The following CFAP299 variants were observed in gnomAD, a reference collection of about 807,000 sequenced individuals.
CFAP299 encodes cilia- and flagella-associated protein 299.
Under a neutral mutation model 27.0 loss-of-function variants are expected in CFAP299, and 21 were observed. The observed-to-expected ratio is 0.78, with a 90% CI of 0.55 to 1.12. The LOEUF (loss-of-function observed/expected upper bound fraction) is 1.12. Among genes scored for constraint, CFAP299 ranks in the 50% most tolerant of loss-of-function variants. CFAP299 has a pLI of 0.00. For missense variants in CFAP299, 310 were observed against 276.6 expected (o/e 1.12, Z -0.86); for synonymous variants, 104 against 98.1 (o/e 1.06, Z -0.36).
chr4:80,436,264 G>A (rs1728068663), intron 2 of CFAP299, among the ~76,000 whole-genome samples: 1 of 151,778 alleles, frequency 6.6e-6, no homozygotes, highest in African/African-American at 2.4e-5. Flanking sequence ...AATGGGCTGT[G>A]AGGAAACTTG....
intron 3 of CFAP299, among the ~76,000 whole-genome samples, chr4:80,593,934 A>AT (rs149869008): frequency 0.055 from 8,375 of 152,112 alleles, 607 homozygotes; most frequent in African/African-American, 0.17. Context: ...CTTTTAGTTT[A>AT]TTTTAATCAT....
chr4:80,384,497 T>C (rs1165265429), intron 2 of CFAP299, among the ~76,000 whole-genome samples: 1 of 152,184 alleles, frequency 6.6e-6, no homozygotes, highest in Non-Finnish European at 1.5e-5. Context: ...ACAAAGAACT[T>C]ATTTTGTCTA....
At chr4:80,764,587 T>C (rs771663690) in intron 3 of CFAP299, among the ~76,000 whole-genome samples, 1 of 152,168 alleles carries the variant, frequency 6.6e-6, no homozygotes, top group Non-Finnish European at 1.5e-5. Context: ...AGCGATCTCA[T>C]TACTGGGTAT....
chr4:80,831,455 A>G (rs1185588810), intron 3 of CFAP299, among the ~76,000 whole-genome samples: 1 of 152,090 alleles, frequency 6.6e-6, no homozygotes. Flanking sequence ...TAAACTTCCC[A>G]ACGAGGCCAA....
intron 3 of CFAP299, among the ~76,000 whole-genome samples, chr4:80,857,096 G>A (rs1731955612): frequency 6.6e-6 from 1 of 152,134 alleles, no homozygotes; most frequent in South Asian, 2.1e-4. Context: ...GTGTTTTGTA[G>A]TTCTTCTTGA....
intron 4 of CFAP299, among the ~76,000 whole-genome samples, chr4:80,922,007 A>C (rs910345078): frequency 6.6e-6 from 1 of 152,052 alleles, no homozygotes; most frequent in East Asian, 1.9e-4. Flanking sequence ...TCAAGGACTC[A>C]GTTCTGTATA....
intron 3 of CFAP299, among the ~76,000 whole-genome samples, chr4:80,634,387 A>G (rs181439246): frequency 4.7e-4 from 72 of 152,232 alleles, no homozygotes; most frequent in African/African-American, 1.7e-3. Context: ...TCGGCAATTT[A>G]CTTAATCTTT....
At chr4:80,688,553 T>C (rs1720402374) in intron 3 of CFAP299, among the ~76,000 whole-genome samples, 1 of 152,086 alleles carries the variant, frequency 6.6e-6, no homozygotes, top group South Asian at 2.1e-4. Flanking sequence ...TACATCACCA[T>C]CATCAAAGAC....
intron 3 of CFAP299, among the ~76,000 whole-genome samples, chr4:80,627,601 TACAAAAA>T (rs1329498600): frequency 6.6e-6 from 1 of 151,792 alleles, no homozygotes; most frequent in Non-Finnish European, 1.5e-5. Context: ...CTAAAGACTT[TACAAAAA>T]GAAACCTGTG....
At chr4:80,555,753 C>T (rs1734750195) in intron 2 of CFAP299, among the ~76,000 whole-genome samples, 1 of 152,022 alleles carries the variant, frequency 6.6e-6, no homozygotes, top group Admixed American at 6.6e-5. Context: ...GGAATTTATA[C>T]ATCTCTTCTA....
At chr4:80,906,201 A>C (rs1033002316) in intron 4 of CFAP299, among the ~76,000 whole-genome samples, 1 of 152,226 alleles carries the variant, frequency 6.6e-6, no homozygotes, top group African/African-American at 2.4e-5. Context: ...CCAATAGGGC[A>C]GTCATTAAAA....
intron 3 of CFAP299, among the ~76,000 whole-genome samples, chr4:80,757,890 C>T (rs1156988893): frequency 6.6e-6 from 1 of 152,142 alleles, no homozygotes. Flanking sequence ...TCACTGGAAC[C>T]TGCTGTGTTC....
chr4:80,732,848 T>C (rs989210776), intron 3 of CFAP299, among the ~76,000 whole-genome samples: 10 of 152,158 alleles, frequency 6.6e-5, no homozygotes, highest in Admixed American at 6.6e-4. Context: ...AGAACTTCAA[T>C]ATAAATTTTC....
chr4:80,670,762 T>C (rs543286458), intron 3 of CFAP299, among the ~76,000 whole-genome samples: 56 of 152,238 alleles, frequency 3.7e-4, no homozygotes, highest in Non-Finnish European at 6.2e-4. Flanking sequence ...TTTTTTCATG[T>C]GTCTGTTGGC....
At chr4:80,950,189 C>T (rs888937750) in intron 5 of CFAP299, among the ~76,000 whole-genome samples, 3 of 151,894 alleles carry the variant, frequency 2.0e-5, no homozygotes, top group Non-Finnish European at 4.4e-5. Context: ...GACAGTATTG[C>T]TGGATGAGTA....
chr4:80,925,917 T>A (rs929898615), intron 4 of CFAP299, among the ~76,000 whole-genome samples: 2 of 152,090 alleles, frequency 1.3e-5, no homozygotes, highest in East Asian at 1.9e-4. Context: ...CACAGCCTAG[T>A]TGAAATGACA....
intron 2 of CFAP299, among the ~76,000 whole-genome samples, chr4:80,393,829 T>A (rs182974571): frequency 1.3e-5 from 2 of 152,284 alleles, no homozygotes; most frequent in Admixed American, 1.3e-4. Context: ...GTTGATATGG[T>A]TTGGCTCTGT....
intron 3 of CFAP299, among the ~76,000 whole-genome samples, chr4:80,840,744 A>G (rs1359932301): frequency 1.3e-5 from 2 of 152,086 alleles, no homozygotes; most frequent in African/African-American, 4.8e-5. Flanking sequence ...TTTTTATTTC[A>G]TATTTATTAA....
intron 2 of CFAP299, among the ~76,000 whole-genome samples, chr4:80,434,436 T>C (rs1727967956): frequency 6.6e-6 from 1 of 152,194 alleles, no homozygotes; most frequent in African/African-American, 2.4e-5. Context: ...GTTACATCTT[T>C]GCTGCCCTTT....
Sources: gnomAD v4.1 joint callset for allele counts (sites outside exome capture counted in the v4.1 genomes callset) on GRCh38, gnomAD v4.1.1 for gene constraint, MANE v1.5 for transcripts, NCBI Gene and HGNC (gene_info 2026-07-23, HGNC 2026-07-21) for gene names.